Variants in MRTFB observed in about 807,000 individuals in gnomAD.
MRTFB encodes myocardin-related transcription factor B.
MRTFB carries 29 observed loss-of-function variants against 104.2 expected under a neutral mutation model. The observed-to-expected ratio is 0.28, with a 90% CI of 0.21 to 0.38. MRTFB has a LOEUF of 0.38. Ranked by LOEUF, MRTFB falls within the 10% of genes least tolerant of loss-of-function variation. MRTFB has a pLI of 1.00. For missense variants in MRTFB, 1,270 were observed against 1,341.6 expected (o/e 0.95, Z 0.83); for synonymous variants, 535 against 519.5 (o/e 1.03, Z -0.41).
At chr16:14,131,430 C>G (rs1318207215) in intron 2 of MRTFB, among the ~76,000 whole-genome samples, 1 of 151,838 alleles carries the variant, frequency 6.6e-6, no homozygotes, top group Non-Finnish European at 1.5e-5. Context: ...AAAGTACAAG[C>G]AACCAAGGAA....
intron 8 of MRTFB, 144 bp from the exon 9 acceptor site, chr16:14,234,002 T>TCTGGC: frequency 1.0e-6 from 1 of 953,296 alleles, no homozygotes; most frequent in Non-Finnish European, 1.6e-6. Flanking sequence ...TATTCCACCA[T>TCTGGC]CTGGCCTCAG....
the MRTFB span, among the ~76,000 whole-genome samples, chr16:14,055,903 C>A: frequency 6.6e-6 from 1 of 152,082 alleles, no homozygotes; most frequent in East Asian, 1.9e-4. Flanking sequence ...TGGATCTTAC[C>A]TGCAGAAATT....
intron 2 of MRTFB, among the ~76,000 whole-genome samples, chr16:14,096,599 A>G (rs1030885892): frequency 6.6e-6 from 1 of 152,180 alleles, no homozygotes; most frequent in Non-Finnish European, 1.5e-5. Flanking sequence ...TAGCCTACAT[A>G]TTGTGGCAAG....
chr16:14,137,582 G>C (rs879812169), intron 2 of MRTFB, among the ~76,000 whole-genome samples: 12 of 152,046 alleles, frequency 7.9e-5, no homozygotes, highest in South Asian at 4.1e-4. Context: ...TAAATAATTT[G>C]AAATGAAAAT....
intron 10 of MRTFB, chr16:14,240,916 G>T: frequency 1.6e-6 from 1 of 609,578 alleles, no homozygotes; most frequent in Non-Finnish European, 2.9e-6. Flanking sequence ...GCTCGAGAAG[G>T]GCCTTTCCAG....
chr16:14,051,864 C>G, the MRTFB span, among the ~76,000 whole-genome samples: 6 of 152,284 alleles, frequency 3.9e-5, 1 homozygote, highest in African/African-American at 1.4e-4. Flanking sequence ...TCTTCTCCAC[C>G]TTTTTTCTGA....
intron 2 of MRTFB, among the ~76,000 whole-genome samples, chr16:14,089,385 T>A (rs1055084229): frequency 1.3e-5 from 2 of 152,222 alleles, no homozygotes; most frequent in African/African-American, 4.8e-5. Flanking sequence ...GGACATGCCA[T>A]GTAAATGGAA....
chr16:14,007,850 GT>G, the MRTFB span, among the ~76,000 whole-genome samples: 1 of 152,186 alleles, frequency 6.6e-6, no homozygotes, highest in South Asian at 2.1e-4. Flanking sequence ...CTTTTCAAGT[GT>G]TTATCGGCCA....
At chr16:14,066,021 C>G in the MRTFB span, among the ~76,000 whole-genome samples, 1 of 152,146 alleles carries the variant, frequency 6.6e-6, no homozygotes, top group African/African-American at 2.4e-5. Context: ...ATTAACACCT[C>G]TCTCTTCCTC....
At chr16:14,169,565 C>T (rs1415330157) in intron 3 of MRTFB, among the ~76,000 whole-genome samples, 1 of 151,980 alleles carries the variant, frequency 6.6e-6, no homozygotes, top group Non-Finnish European at 1.5e-5. Flanking sequence ...CTGTGGCTTC[C>T]GTATTCATTT....
intron 9 of MRTFB, among the ~76,000 whole-genome samples, chr16:14,235,482 C>G (rs756260619): frequency 2.6e-5 from 4 of 152,230 alleles, no homozygotes; most frequent in Non-Finnish European, 4.4e-5. Context: ...GCCTCTCCCT[C>G]TCTCTGAATG....
At chr16:14,087,084 GA>G (rs1219574369) in intron 2 of MRTFB, among the ~76,000 whole-genome samples, 5 of 151,126 alleles carry the variant, frequency 3.3e-5, no homozygotes, top group African/African-American at 9.7e-5. Flanking sequence ...CTAACCCTAG[GA>G]AAAAAAAATT....
chr16:14,127,923 ATATATATTTTTTTTTTTTTTTT>A (rs1169642871), intron 2 of MRTFB, among the ~76,000 whole-genome samples: 2 of 39,186 alleles, frequency 5.1e-5, no homozygotes, highest in African/African-American at 5.5e-4. Context: ...ATATATATAT[ATATATATTTTTTTTTTTTTTTT>A]TTTTTTCTTT....
intron 2 of MRTFB, among the ~76,000 whole-genome samples, chr16:14,127,921 ATATATATATTTT>A (rs1470014031): frequency 1.0e-4 from 4 of 39,910 alleles, no homozygotes; most frequent in Non-Finnish European, 1.2e-4. Flanking sequence ...ATATATATAT[ATATATATATTTT>A]TTTTTTTTTT....
the MRTFB span, among the ~76,000 whole-genome samples, chr16:14,065,265 C>T: frequency 6.6e-6 from 1 of 152,194 alleles, no homozygotes; most frequent in Non-Finnish European, 1.5e-5. Flanking sequence ...AGCTTGGATG[C>T]TATTGGTGTA....
At chr16:14,020,379 T>C in the MRTFB span, 1 of 152,202 alleles carries the variant, frequency 6.6e-6, no homozygotes, top group Admixed American at 6.5e-5. Flanking sequence ...TTGCTAACTG[T>C]CCATGGTGTT....
At chr16:14,123,021 T>C (rs1421657658) in intron 2 of MRTFB, among the ~76,000 whole-genome samples, 5 of 152,370 alleles carry the variant, frequency 3.3e-5, no homozygotes, top group African/African-American at 1.2e-4. Flanking sequence ...TAGTTTTGAT[T>C]TGCATTTCTC....
Position 14,220,166 on chromosome 16 carries a change from G to A in MRTFB, c.693+1168G>A, listed in dbSNP as rs181386515. ...GACCAACCCACAGTCTGAGGTTTGA[G>A]CAGGCAGAAAGCGAGAGCAAGGGAG... On this transcript the variant is annotated intron_variant, in intron 8 of 16. Transcript: ENST00000571589. Among the ~76,000 whole-genome samples the A allele has an allele frequency of 4.6e-5, 7 of 152,348 alleles. No homozygotes were observed. The East Asian group carries it at 9.6e-4, about 21-fold the overall frequency.
the MRTFB span, among the ~76,000 whole-genome samples, chr16:14,025,976 C>G: frequency 2.0e-5 from 3 of 152,022 alleles, no homozygotes; most frequent in Non-Finnish European, 4.4e-5. Flanking sequence ...ATCAAGAAGA[C>G]CTAAATAAAT....
Sources: gnomAD v4.1 joint callset for allele counts (sites outside exome capture counted in the v4.1 genomes callset) on GRCh38, gnomAD v4.1.1 for gene constraint, MANE v1.5 for transcripts, NCBI Gene and HGNC (gene_info 2026-07-23, HGNC 2026-07-21) for gene names.